Variants in ARHGAP17 observed in about 807,000 individuals in gnomAD.
ARHGAP17 encodes Rho GTPase activating protein 17, also known as rho GTPase-activating protein 17.
In ARHGAP17, 57 loss-of-function variants were observed where a neutral mutation model predicts 99.5. The observed-to-expected ratio is 0.57, with a 90% CI of 0.46 to 0.71. ARHGAP17 has a LOEUF of 0.71. Ranked by LOEUF, ARHGAP17 falls within the 30% of genes least tolerant of loss-of-function variation. The probability of loss-of-function intolerance (pLI) is 0.00; values close to 1 mark genes in which losing one functional copy is unlikely to be tolerated. For synonymous variants in ARHGAP17, 417 were observed against 429.6 expected (o/e 0.97, Z 0.36); for missense variants, 1,000 against 1,122.4 (o/e 0.89, Z 1.56).
chr16:24,953,675 C>T (rs2141242301), intron 10 of ARHGAP17, among the ~76,000 whole-genome samples: 1 of 152,300 alleles, frequency 6.6e-6, no homozygotes, highest in East Asian at 1.9e-4. Flanking sequence ...AGGTAAAGCT[C>T]TTTTCGTCAT....
chr16:24,930,827 G>A lies in ARHGAP17; in HGVS notation c.2472C>T (p.Ser824=). Residue 824 remains serine, a synonymous_variant, in exon 19 of 20, where the codon AGC becomes AGT. Transcript: ENST00000289968. Reference sequence around the variant, plus strand: ...CTGTTGGTGCTGTGTTGGTGAGGCTGCTGTCCCCAGCTGAGTGGACACCAG... The same window carrying A: ...CTGTTGGTGCTGTGTTGGTGAGGCTACTGTCCCCAGCTGAGTGGACACCAG... The part of the protein sequence containing the change: ...QPPGVHSAGD[S]SLTNTAPTAS... The A allele has an allele frequency of 1.2e-6, 2 of 1,614,128 alleles. No individual in the cohort carries two copies. The highest frequency in any genetic ancestry group is 1.7e-6 in the Non-Finnish European group (2 of 1,180,018).
chr16:25,010,365 C>A (rs1355361837), intron 1 of ARHGAP17, among the ~76,000 whole-genome samples: 2 of 152,184 alleles, frequency 1.3e-5, no homozygotes, highest in East Asian at 3.8e-4. Flanking sequence ...TGAGCCACCC[C>A]ACCCCACCCA....
intron 1 of ARHGAP17, among the ~76,000 whole-genome samples, chr16:25,004,034 A>C (rs2053443344): frequency 6.6e-6 from 1 of 152,190 alleles, no homozygotes; most frequent in African/African-American, 2.4e-5. Flanking sequence ...TTACAAACAA[A>C]AAAAAAATAT....
chr16:24,938,239 C>T (rs1235548964), intron 17 of ARHGAP17, among the ~76,000 whole-genome samples: 1 of 152,052 alleles, frequency 6.6e-6, no homozygotes, highest in Non-Finnish European at 1.5e-5. Context: ...TGGTGTGTGC[C>T]TGTAATCCCA....
chr16:24,935,532 T>C lies in ARHGAP17; in HGVS notation c.1832A>G (p.His611Arg). The C allele has an allele frequency of 6.2e-7, 1 of 1,613,574 alleles. No homozygotes were observed. The highest frequency in any genetic ancestry group is 8.5e-7 in the Non-Finnish European group (1 of 1,179,846). ...GTGAGGTTGGCCCATGGAGAGCTGG[T>C]GGGAGCCAGCAGCTGCCTGGGGCTG... is the stretch of plus-strand genomic sequence containing the variant. ...QNQPQAAAGS[H>R]QLSMGQPHNA... The change falls in exon 18 of 20, where the codon CAC (histidine) becomes CGC (arginine). Residue 611 changes from histidine to arginine, a missense_variant. Coordinates refer to ENST00000289968, the MANE Select transcript of ARHGAP17 (RefSeq NM_001006634.3).
chr16:24,999,399 TTTTATTTA>T (rs138044912), intron 1 of ARHGAP17, among the ~76,000 whole-genome samples: 246 of 149,504 alleles, frequency 1.6e-3, no homozygotes, highest in Middle Eastern at 0.01. Context: ...TCTACAGGTG[TTTTATTTA>T]TTTATTTATT....
intron 10 of ARHGAP17, 45 bp downstream of exon 10, chr16:24,954,558 A>G: frequency 6.3e-7 from 1 of 1,586,964 alleles, no homozygotes; most frequent in Non-Finnish European, 8.6e-7. Flanking sequence ...GGGTACAACA[A>G]GGGGCATGGA....
chr16:24,946,304 C>G (rs994762409), intron 14 of ARHGAP17, among the ~76,000 whole-genome samples: 2 of 151,824 alleles, frequency 1.3e-5, no homozygotes, highest in Non-Finnish European at 2.9e-5. Context: ...GCCTCATGTT[C>G]TCTGTCTTCA....
At chr16:24,989,607 G>C (rs771034845) in intron 1 of ARHGAP17, among the ~76,000 whole-genome samples, 2 of 152,186 alleles carry the variant, frequency 1.3e-5, no homozygotes, top group South Asian at 2.1e-4. Flanking sequence ...GGGGAATGGG[G>C]ATTAACTGTA....
intron 19 of ARHGAP17, 177 bp from the exon 20 acceptor site, chr16:24,920,437 G>C: frequency 1.5e-6 from 1 of 669,282 alleles, no homozygotes; most frequent in South Asian, 1.9e-5. Flanking sequence ...TGTGACCCCA[G>C]AGGGCAGCTG....
At chr16:24,952,823 C>T (rs2051684105) in intron 11 of ARHGAP17, 108 bp downstream of exon 11, 2 of 1,011,640 alleles carry the variant, frequency 2.0e-6, no homozygotes, top group African/African-American at 1.6e-5. Flanking sequence ...TCGGTTTTGT[C>T]ACTTAAACCT....
chr16:24,926,537 C>T (rs551693508), intron 19 of ARHGAP17, among the ~76,000 whole-genome samples: 84 of 152,344 alleles, frequency 5.5e-4, no homozygotes, highest in African/African-American at 1.9e-3. Flanking sequence ...GCTGGGATTA[C>T]AGGCGTGAGC....
intron 15 of ARHGAP17, among the ~76,000 whole-genome samples, chr16:24,943,168 GTTTGAAAA>G (rs1409175728): frequency 6.6e-6 from 1 of 152,216 alleles, no homozygotes; most frequent in South Asian, 2.1e-4. Context: ...AACAAACCTA[GTTTGAAAA>G]TCTATTGCCA....
Position 24,949,433 on chromosome 16 carries a change from C to G in ARHGAP17, c.1098G>C (p.Lys366Asn), listed in dbSNP as rs2051569741. The G allele has an allele frequency of 6.2e-7, 1 of 1,613,902 alleles. No individual in the cohort carries two copies. The highest frequency in any genetic ancestry group is 2.2e-5 in the East Asian group (1 of 44,854). ...AGTTAACAAAATTTTGTGGTGGCAACTTCTGACATGTTCTCCACAAGTCTT... is the reference window on the plus strand; with the variant it reads ...AGTTAACAAAATTTTGTGGTGGCAAGTTCTGACATGTTCTCCACAAGTCTT... ...KLQDLWRTCQ[K>N]LPPQNFVNFR... The change falls in exon 13 of 20, where the codon AAG becomes AAC. Residue 366 changes from lysine (K) to asparagine (N), a missense_variant. By Grantham distance (94) the Lys-to-Asn change is moderately conservative (BLOSUM62 0). Transcript: ENST00000289968.
rs77776201 is a variant in ARHGAP17, at chr16:24,920,797, G to T, written c.2516-537C>A. ...AGCCTCCTCCCCCAGTGTGACAACC[G>T]AAAGTGTCTCCTGTACATCACAGAT... On this transcript the variant is annotated intron_variant, in intron 19 of 19. Transcript: ENST00000289968. 161 of 153,376 alleles carry T rather than the reference G, an allele frequency of 1.0e-3. No individual in the cohort carries two copies. In the East Asian group the frequency reaches 0.027, roughly 25 times the overall value. The allele number at this position is 153,376 out of a possible 1,614,324, so 9.5% of individuals were successfully genotyped here.
chr16:24,929,521 G>A, intron 19 of ARHGAP17: 1 of 903,936 alleles, frequency 1.1e-6, no homozygotes, highest in Non-Finnish European at 1.3e-6. Context: ...CTGAGCACAT[G>A]GTCAAAAGCA....
chr16:24,976,782 G>A (rs2052531197), intron 3 of ARHGAP17, among the ~76,000 whole-genome samples: 2 of 152,150 alleles, frequency 1.3e-5, no homozygotes, highest in Non-Finnish European at 2.9e-5. Flanking sequence ...GAGAGAGAAG[G>A]AAAGAAACTG....
At chr16:24,981,886 T>A (rs1330811119) in intron 1 of ARHGAP17, among the ~76,000 whole-genome samples, 1 of 152,182 alleles carries the variant, frequency 6.6e-6, no homozygotes, top group South Asian at 2.1e-4. Flanking sequence ...AAAATCAGTG[T>A]ATTTCCAGCC....
intron 1 of ARHGAP17, among the ~76,000 whole-genome samples, chr16:24,997,475 C>G (rs2053229119): frequency 6.6e-6 from 1 of 152,222 alleles, no homozygotes; most frequent in Non-Finnish European, 1.5e-5. Flanking sequence ...ATCATTATCA[C>G]AATTATTTCT....
Sources: gnomAD v4.1 joint callset for allele counts (sites outside exome capture counted in the v4.1 genomes callset) on GRCh38, gnomAD v4.1.1 for gene constraint, MANE v1.5 for transcripts, NCBI Gene and HGNC (gene_info 2026-07-23, HGNC 2026-07-21) for gene names.